Variants in SSH2 observed in about 807,000 individuals in gnomAD.
SSH2 encodes the protein slingshot protein phosphatase 2, also known as protein phosphatase Slingshot homolog 2.
SSH2 carries 37 observed loss-of-function variants against 135.2 expected under a neutral mutation model. The observed-to-expected ratio is 0.27, with a 90% CI of 0.21 to 0.36. SSH2 has a LOEUF of 0.36. Among genes scored for constraint, SSH2 ranks in the 10% least tolerant of loss-of-function variants. The pLI is 1.00. For synonymous variants in SSH2, 628 were observed against 646.2 expected (o/e 0.97, Z 0.43); for missense variants, 1,408 against 1,765.3 (o/e 0.80, Z 3.63).
intron 1 of SSH2, among the ~76,000 whole-genome samples, chr17:29,874,688 C>G (rs2065998726): frequency 6.6e-6 from 1 of 152,156 alleles, no homozygotes; most frequent in Non-Finnish European, 1.5e-5. Context: ...GATTAAACCT[C>G]TTTATAAATT....
intron 8 of SSH2, among the ~76,000 whole-genome samples, chr17:29,675,641 T>A (rs1371514391): frequency 1.3e-5 from 2 of 149,250 alleles, no homozygotes; most frequent in African/African-American, 4.9e-5. Flanking sequence ...CAAAAAAAAT[T>A]AAAAAAAAAA....
At chr17:29,788,354 G>A (rs2042005792) in intron 3 of SSH2, among the ~76,000 whole-genome samples, 1 of 152,146 alleles carries the variant, frequency 6.6e-6, no homozygotes, top group Non-Finnish European at 1.5e-5. Context: ...TCCTCCTTCT[G>A]CCTTTGAGCA....
chr17:29,792,901 C>G (rs1356697965), intron 3 of SSH2, among the ~76,000 whole-genome samples: 3 of 152,110 alleles, frequency 2.0e-5, no homozygotes, highest in Non-Finnish European at 4.4e-5. Flanking sequence ...GTCTTGATCT[C>G]CTGACCTCGT....
At chr17:29,911,794 G>A (rs980998020) in intron 1 of SSH2, among the ~76,000 whole-genome samples, 1 of 152,196 alleles carries the variant, frequency 6.6e-6, no homozygotes, top group Non-Finnish European at 1.5e-5. Flanking sequence ...GTAGAGTAAT[G>A]AAATGGAAGG....
At chr17:29,640,083 TG>T (rs1264961340) in intron 14 of SSH2, among the ~76,000 whole-genome samples, 2 of 149,750 alleles carry the variant, frequency 1.3e-5, no homozygotes, top group Non-Finnish European at 3.0e-5. Context: ...GTTTTTTTTT[TG>T]TTTTTTTTTT....
At chr17:29,698,468 A>C (rs1353297047) in intron 4 of SSH2, among the ~76,000 whole-genome samples, 3 of 152,170 alleles carry the variant, frequency 2.0e-5, no homozygotes, top group African/African-American at 7.2e-5. Context: ...AACTGAGTTA[A>C]GCAACTGAGG....
intron 4 of SSH2, 135 bp from the exon 5 acceptor site, chr17:29,695,658 A>C: frequency 1.5e-6 from 1 of 683,096 alleles, no homozygotes; most frequent in Non-Finnish European, 2.4e-6. Context: ...TAGAAATTAA[A>C]TGATTATTAA....
intron 3 of SSH2, among the ~76,000 whole-genome samples, chr17:29,708,507 T>C (rs752688575): frequency 1.3e-5 from 2 of 148,654 alleles, no homozygotes; most frequent in Non-Finnish European, 3.0e-5. Context: ...AGAGAATCAC[T>C]GGAACCTGGG....
In SSH2 at chr17:29,643,201, C is replaced by G. The variant is rs886562073; in HGVS notation, c.1427+4943G>C. 6 of 985,136 alleles carry G rather than the reference C, an allele frequency of 6.1e-6. No individual in the cohort carries two copies. In the African/African-American group the frequency reaches 8.7e-5, roughly 14 times the overall value. 61.0% of individuals were successfully genotyped at this position (985,136 alleles called of 1,614,324 possible). ...GCAGATCTGGAGTGGTACTTTGGTG[C>G]TGGGCGAGTCTGCTGGGCCTATTCA... is the stretch of plus-strand genomic sequence containing the variant. On this transcript the variant is annotated intron_variant, in intron 14 of 15. Transcript: ENST00000540801.
intron 1 of SSH2, among the ~76,000 whole-genome samples, chr17:29,863,178 C>A (rs1367057228): frequency 1.3e-5 from 2 of 151,878 alleles, no homozygotes; most frequent in South Asian, 2.1e-4. Flanking sequence ...ACAACAACAA[C>A]AAAAAAAGAT....
chr17:29,905,609 G>A (rs1256954661), intron 1 of SSH2, among the ~76,000 whole-genome samples: 1 of 152,206 alleles, frequency 6.6e-6, no homozygotes, highest in African/African-American at 2.4e-5. Flanking sequence ...TCAGATCTTG[G>A]AGCAAAGTCA....
At chr17:29,776,450 G>A (rs1005441178) in intron 3 of SSH2, 1 of 152,144 alleles carries the variant, frequency 6.6e-6, no homozygotes, top group African/African-American at 2.4e-5. Context: ...CACTGTGATG[G>A]ACATTACAGT....
intron 2 of SSH2, among the ~76,000 whole-genome samples, chr17:29,803,838 T>C (rs1034258433): frequency 2.0e-5 from 3 of 152,158 alleles, no homozygotes; most frequent in Non-Finnish European, 4.4e-5. Flanking sequence ...CATATGGATA[T>C]TTTTACAGGT....
intron 3 of SSH2, chr17:29,761,039 C>G: frequency 8.8e-7 from 1 of 1,141,266 alleles, no homozygotes; most frequent in Non-Finnish European, 1.2e-6. Context: ...AAGCAGGATG[C>G]GCGCTCGCCC....
rs755900812 is a variant in SSH2 at position 29,632,762 on chromosome 17, CTGTTCT to C, written c.2426_2431del (p.Lys809_Asn810del). On this transcript the variant is annotated inframe_deletion, in exon 16 of 16. Coordinates refer to ENST00000540801, the MANE Select transcript of SSH2 (RefSeq NM_001282129.2). ...CCTCTCAAGGAGCAGCTCATGGATG[CTGTTCT>C]TCTTTGGTGTATGGCATGGGTTGGG... The C allele has an allele frequency of 1.9e-5, 31 of 1,614,072 alleles. No homozygotes were observed. The highest frequency in any genetic ancestry group is 2.6e-5 in the Non-Finnish European group (31 of 1,180,042).
Position 29,684,688 on chromosome 17 carries a change from G to C in SSH2, c.358-4C>G. 1 of 1,604,338 alleles carries C rather than the reference G, an allele frequency of 6.2e-7. No homozygotes were observed. Among genetic ancestry groups the C allele is most frequent in the Non-Finnish European group, 8.5e-7 (1 of 1,176,554 alleles). On this transcript the variant is annotated splice_region_variant and splice_polypyrimidine_tract_variant and intron_variant, in intron 5 of 15. Coordinates refer to ENST00000540801, the MANE Select transcript of SSH2 (RefSeq NM_001282129.2). Reference sequence around the variant, plus strand: ...AAGTACTTTCCAGTCTTACAGCCTGGAATTTAGCAGACAACAGAGAAATTA... The same window carrying C: ...AAGTACTTTCCAGTCTTACAGCCTGCAATTTAGCAGACAACAGAGAAATTA...
At chr17:29,901,030 C>CA (rs1398873333) in intron 1 of SSH2, among the ~76,000 whole-genome samples, 1 of 151,772 alleles carries the variant, frequency 6.6e-6, no homozygotes, top group Non-Finnish European at 1.5e-5. Context: ...ATCGCAAGAA[C>CA]AAAAAACCAA....
chr17:29,631,956 GCA>G lies in SSH2; in HGVS notation c.3236_3237del (p.Val1079AlafsTer6). On this transcript the variant is annotated frameshift_variant, in exon 16 of 16. Coordinates refer to ENST00000540801, the MANE Select transcript of SSH2 (RefSeq NM_001282129.2). LOFTEE classifies it high-confidence loss of function. Reference protein sequence around the residue: ...RKVNMEKSVTVLCTLDENLNR... With the variant: ...RKVNMEKSVTXLCTLDENLNR... ...TTTAGATTTTCATCCAGTGTGCAGA[GCA>G]CAGTGACAGATTTTTCCATGTTCAC... 2 of 1,614,208 alleles carry G rather than the reference GCA, an allele frequency of 1.2e-6. No homozygotes were observed. Among genetic ancestry groups the G allele is most frequent in the Non-Finnish European group, 1.7e-6 (2 of 1,180,038 alleles).
intron 3 of SSH2, among the ~76,000 whole-genome samples, chr17:29,705,335 C>G (rs1009504233): frequency 6.6e-6 from 1 of 152,148 alleles, no homozygotes; most frequent in Admixed American, 6.5e-5. Flanking sequence ...GAGGGAATAA[C>G]TATGATAAGT....
Sources: gnomAD v4.1 joint callset for allele counts (sites outside exome capture counted in the v4.1 genomes callset) on GRCh38, gnomAD v4.1.1 for gene constraint, MANE v1.5 for transcripts, NCBI Gene and HGNC (gene_info 2026-07-23, HGNC 2026-07-21) for gene names.